The following SNHG17 variants were observed in gnomAD, a reference collection of about 807,000 sequenced individuals.
SNHG17 encodes small nucleolar RNA host gene 17.
At chr20:38,434,233 G>C (rs924231893) in intron 2 of SNHG17, among the ~76,000 whole-genome samples, 5 of 152,218 alleles carry the variant, frequency 3.3e-5, no homozygotes, top group African/African-American at 1.2e-4. Flanking sequence ...AGGCACCGTG[G>C]GTTCAAAATC....
In SNHG17 at chr20:38,433,770, C is replaced by T. The variant is rs138095038; in HGVS notation, n.308+734G>A. The T allele has an allele frequency of 1.7e-4, 90 of 515,456 alleles. No homozygotes were observed. In the East Asian group the frequency reaches 4.1e-3, roughly 23 times the overall value. The allele number at this position is 515,456 out of a possible 1,614,324, so 31.9% of individuals were successfully genotyped here. On this transcript the variant is annotated intron_variant and non_coding_transcript_variant, in intron 2 of 8. Transcript: ENST00000654008. ...CTCACCCCTCATAGACCCTGGTGAA[C>T]GCCTCATGGAACCCTGCACTGAGCC...
chr20:38,424,895 A>G (rs1353088776), intron 5 of SNHG17, among the ~76,000 whole-genome samples: 1 of 152,208 alleles, frequency 6.6e-6, no homozygotes, highest in African/African-American at 2.4e-5. Flanking sequence ...ATACAGCACC[A>G]GTGTATGGTA....
At chr20:38,434,744 C>A in intron 1 of SNHG17, 2 of 653,538 alleles carry the variant, frequency 3.1e-6, no homozygotes, top group Non-Finnish European at 3.8e-6. Flanking sequence ...GCTAACTGGT[C>A]TGTAAAATGA....
intron 6 of SNHG17, chr20:38,421,720 C>A: frequency 6.6e-6 from 1 of 152,332 alleles, no homozygotes; most frequent in Non-Finnish European, 1.5e-5. Context: ...ACTCCTACCC[C>A]TGCACTGTTA....
At chr20:38,435,242 T>C (rs867836678) in exon 1 of SNHG17, 1 of 1,231,786 alleles carries the variant, frequency 8.1e-7, no homozygotes, top group Middle Eastern at 3.1e-4. Flanking sequence ...ACAGACAGCG[T>C]GGGAAAAATC....
At chr20:38,433,897 G>A (rs1568866293) in intron 2 of SNHG17, 1 of 519,222 alleles carries the variant, frequency 1.9e-6, no homozygotes, top group South Asian at 1.4e-5. Flanking sequence ...AAAGGGACAG[G>A]AGCGGACCCT....
intron 1 of SNHG17, chr20:38,435,033 G>A (rs1196602834): frequency 1.8e-5 from 22 of 1,231,046 alleles, no homozygotes; most frequent in Non-Finnish European, 2.1e-5. Context: ...TCACCTGCCA[G>A]TGTCTTTCCC....
At chr20:38,432,095 T>G in intron 2 of SNHG17, 2 of 985,372 alleles carry the variant, frequency 2.0e-6, no homozygotes, top group Non-Finnish European at 2.4e-6. Flanking sequence ...CAAGAAGCCC[T>G]GGATGAGCTA....
chr20:38,424,769 C>T (rs1392638273), intron 5 of SNHG17, among the ~76,000 whole-genome samples: 1 of 152,138 alleles, frequency 6.6e-6, no homozygotes, highest in Admixed American at 6.6e-5. Context: ...GTAACCACTA[C>T]TGTGGCTCCA....
chr20:38,426,866 C>T (rs1290945305), intron 3 of SNHG17, among the ~76,000 whole-genome samples: 4 of 150,486 alleles, frequency 2.7e-5, no homozygotes, highest in Non-Finnish European at 5.9e-5. Context: ...TCTCAGAACC[C>T]GGCTGTGCTC....
chr20:38,426,656 A>T (rs1295476198), intron 3 of SNHG17, among the ~76,000 whole-genome samples: 2 of 150,922 alleles, frequency 1.3e-5, no homozygotes, highest in Non-Finnish European at 3.0e-5. Context: ...CTCTAGCTTT[A>T]TTCCTGATCT....
Position 38,423,384 on chromosome 20 carries a change from T to G in SNHG17, n.580-1143A>C, listed in dbSNP as rs531299679. Among the ~76,000 whole-genome samples the G allele has an allele frequency of 6.8e-5, 10 of 146,020 alleles. No individual in the cohort carries two copies. The South Asian group carries it at 2.0e-3, about 29-fold the overall frequency. ...GCAACCTCTGTCTCCTGGGCTTAAC[T>G]TCAGCCTGGGTGACAGAGGGAGACC... On this transcript the variant is annotated intron_variant and non_coding_transcript_variant, in intron 5 of 8. Coordinates refer to ENST00000654008, the Ensembl canonical transcript of SNHG17.
Position 38,431,050 on chromosome 20 carries a change from C to G in SNHG17, n.371G>C, listed in dbSNP as rs2084334405. ...GCAGGACCCCACTTACCTGGGACCT[C>G]AGGATCCATGCTCTCCCAGAGGACG... On this transcript the variant is annotated non_coding_transcript_exon_variant, in exon 3 of 9. Transcript: ENST00000654008. 2.0e-5 allele frequency: 3 copies of G among 152,458 alleles called. No individual in the cohort carries two copies. In the South Asian group the frequency reaches 6.2e-4, roughly 32 times the overall value. The allele number at this position is 152,458 out of a possible 1,614,324, so 9.4% of individuals were successfully genotyped here.
rs920904489 is a variant in SNHG17, at chr20:38,435,124, C to T, written n.185+73G>A. ...CAAGGACAGGGCCTGACCTCTCTGGCCGCCTTCCCCGGGGCCTCAGTTTCC... is the reference window on the plus strand; with the variant it reads ...CAAGGACAGGGCCTGACCTCTCTGGTCGCCTTCCCCGGGGCCTCAGTTTCC... On this transcript the variant is annotated intron_variant and non_coding_transcript_variant, in intron 1 of 8. Coordinates refer to ENST00000654008, the Ensembl canonical transcript of SNHG17. 1.6e-5 allele frequency: 20 copies of T among 1,232,192 alleles called. No homozygotes were observed. The African/African-American group carries it at 2.9e-4, about 18-fold the overall frequency. 76.3% of individuals were successfully genotyped at this position (1,232,192 alleles called of 1,614,324 possible).
intron 5 of SNHG17, among the ~76,000 whole-genome samples, chr20:38,423,531 TCA>T (rs1309046511): frequency 9.5e-5 from 13 of 136,568 alleles, no homozygotes; most frequent in Admixed American, 7.4e-5. Context: ...AGTGCATATC[TCA>T]CTTATGTGTG....
intron 3 of SNHG17, chr20:38,429,694 A>G (rs1305233643): frequency 4.0e-6 from 2 of 501,586 alleles, no homozygotes; most frequent in Admixed American, 2.1e-5. Context: ...AGGGTTTGGA[A>G]GAGACAGGAG....
At chr20:38,424,381 T>C (rs2084210360) in intron 5 of SNHG17, among the ~76,000 whole-genome samples, 1 of 151,962 alleles carries the variant, frequency 6.6e-6, no homozygotes, top group Non-Finnish European at 1.5e-5. Context: ...ATTACTACTC[T>C]AGCCCTTGCC....
chr20:38,432,279 C>T, intron 2 of SNHG17: 1 of 492,464 alleles, frequency 2.0e-6, no homozygotes, highest in Non-Finnish European at 2.6e-6. Context: ...CAGCTTAAGT[C>T]TCATCTTATG....
At chr20:38,421,545 G>T (rs1453277864) in intron 6 of SNHG17, 1 of 152,172 alleles carries the variant, frequency 6.6e-6, no homozygotes, top group East Asian at 1.9e-4. Context: ...AACATGAAAA[G>T]ACAAAATGAA....
Sources: allele counts gnomAD v4.1 joint callset (sites outside exome capture counted in the v4.1 genomes callset), GRCh38; gene constraint gnomAD v4.1.1; transcripts MANE v1.5; gene names NCBI Gene and HGNC (gene_info 2026-07-23, HGNC 2026-07-21).